CTDP1: variants seen among roughly 807,000 people sequenced by gnomAD.
CTDP1 encodes the protein CTD phosphatase 1.
CTDP1 carries 47 observed loss-of-function variants against 91.8 expected under a neutral mutation model. The ratio of observed to expected loss-of-function variants is 0.51; its 90% CI spans 0.41 to 0.65. The LOEUF (loss-of-function observed/expected upper bound fraction) is 0.65, where lower values mean the gene tolerates loss of function less well. CTDP1 is among the 30% of genes least tolerant of loss of function. The pLI is 0.00. For synonymous variants in CTDP1, 656 were observed against 598.5 expected (o/e 1.10, Z -1.40); for missense variants, 1,272 against 1,373.7 (o/e 0.93, Z 1.17).
chr18:79,735,250 G>A (rs959221686), intron 11 of CTDP1, among the ~76,000 whole-genome samples: 1 of 152,192 alleles, frequency 6.6e-6, no homozygotes, highest in African/African-American at 2.4e-5. Context: ...CGGCGTCGGT[G>A]AGTGCCCCTC....
intron 12 of CTDP1, among the ~76,000 whole-genome samples, chr18:79,752,160 G>A (rs970658499): frequency 2.0e-5 from 3 of 152,258 alleles, no homozygotes; most frequent in Non-Finnish European, 4.4e-5. Context: ...CAGAAACCAG[G>A]TGCACCTGCA....
intron 4 of CTDP1, among the ~76,000 whole-genome samples, chr18:79,704,410 A>G (rs1162910170): frequency 6.6e-6 from 1 of 151,276 alleles, no homozygotes; most frequent in Non-Finnish European, 1.5e-5. Context: ...AGGGGCGTGT[A>G]CACACGCATG....
intron 4 of CTDP1, among the ~76,000 whole-genome samples, chr18:79,704,075 G>A (rs2085913440): frequency 6.6e-6 from 1 of 152,172 alleles, no homozygotes; most frequent in Non-Finnish European, 1.5e-5. Context: ...GCAGGTAGGT[G>A]GTTATCCTAG....
At chr18:79,737,207 C>A (rs369945135) in intron 12 of CTDP1, among the ~76,000 whole-genome samples, 18 of 152,364 alleles carry the variant, frequency 1.2e-4, no homozygotes, top group African/African-American at 4.3e-4. Context: ...TGTGACTGGT[C>A]AGTGTTTTCT....
In CTDP1 at chr18:79,680,170, C is replaced by T. The variant is rs2085329227; in HGVS notation, c.223C>T (p.Arg75Cys). 3.6e-6 allele frequency: 5 copies of T among 1,384,236 alleles called. No homozygotes were observed. Among genetic ancestry groups the T allele is most frequent in the Admixed American group, 3.4e-5 (1 of 29,486 alleles). The allele number at this position is 1,384,236 out of a possible 1,614,324, so 85.7% of individuals were successfully genotyped here. A position where few individuals can be genotyped will look rare whatever the true frequency, so the allele number is the denominator to read the frequency against. ...QSRVASGGCV[R>C]PARPERRLRS... ...CCGTGTAGCCTCCGGGGGCTGCGTG[C>T]GCCCCGCGCGGCCGGAACGCAGGCT... Residue 75 changes from arginine to cysteine, a missense_variant, in exon 1 of 13, where the codon CGC becomes TGC. Physicochemically the swap from Arg to Cys is radical, Grantham distance 180 (BLOSUM62 -3). Transcript: ENST00000613122.
chr18:79,702,527 C>A (rs2122543492), intron 4 of CTDP1, among the ~76,000 whole-genome samples: 2 of 152,220 alleles, frequency 1.3e-5, no homozygotes, highest in Admixed American at 1.3e-4. Flanking sequence ...GCGTGTACCA[C>A]CACACCCAGT....
chr18:79,726,382 T>TG (rs1227652573), intron 10 of CTDP1, among the ~76,000 whole-genome samples: 2 of 152,236 alleles, frequency 1.3e-5, no homozygotes, highest in Non-Finnish European at 2.9e-5. Context: ...CAAGCATACT[T>TG]GCAATTGCCT....
chr18:79,695,971 T>C lies in CTDP1; in HGVS notation c.399-6T>C, dbSNP rs1360548181. 2 of 1,611,656 alleles carry C rather than the reference T, an allele frequency of 1.2e-6. No individual in the cohort carries two copies. Among genetic ancestry groups the C allele is most frequent in the African/African-American group, 2.7e-5 (2 of 74,928 alleles). On this transcript the variant is annotated splice_polypyrimidine_tract_variant and splice_region_variant and intron_variant, in intron 2 of 12. Coordinates refer to ENST00000613122, the MANE Select transcript of CTDP1 (RefSeq NM_004715.5). ...GAAAGCCCTGAACCTGTCCTTGCAC[T>C]TGCAGGTTGCAGAGTAAGAACGGGA...
chr18:79,703,483 C>G (rs1010230965), intron 4 of CTDP1: 5 of 152,196 alleles, frequency 3.3e-5, no homozygotes, highest in African/African-American at 1.2e-4. Flanking sequence ...CTAAATATGA[C>G]TTAGAATACT....
rs747141618 is a variant in CTDP1, at chr18:79,714,665, A to G, written c.1205A>G (p.Asp402Gly). 6.2e-7 allele frequency: 1 copy of G among 1,611,890 alleles called. No homozygotes were observed. Among genetic ancestry groups the G allele is most frequent in the East Asian group, 2.2e-5 (1 of 44,846 alleles). The change falls in exon 8 of 13, where the codon GAC (aspartate) becomes GGC (glycine). Residue 402 changes from aspartate to glycine, a missense_variant. Physicochemically the swap from Asp to Gly is moderately conservative, Grantham distance 94. This residue lies in a region of CTDP1 where 881 missense variants were observed against 911.6 expected (regional missense o/e 0.97). Transcript: ENST00000613122. ...GACTCACCCCGCCCCGGGAAGCCAG[A>G]CGAGAGGGACATCTGGCCCCCTGCC... ...PRDSPRPGKP[D>G]ERDIWPPAQA...
At position 79,679,960 on chromosome 18, in the gene CTDP1, G is replaced by T; in HGVS notation, c.13G>T (p.Ala5Ser). ...CCCTCTGTCCGCGATGGAGGTGCCGGCCGCGGGTCGCGTTCCTGCCGAGGG... is the reference window on the plus strand; with the variant it reads ...CCCTCTGTCCGCGATGGAGGTGCCGTCCGCGGGTCGCGTTCCTGCCGAGGG... MEVP[A>S]AGRVPAEGAP... The change falls in exon 1 of 13, where the codon GCC becomes TCC. Residue 5 changes from alanine (A) to serine (S), a missense_variant. By Grantham distance (99) the Ala-to-Ser change is moderately conservative (BLOSUM62 1). Around this residue, in one of 3 missense-constraint regions of CTDP1, gnomAD observed 214 missense variants for 179.1 expected, o/e 1.19. Transcript: ENST00000613122. The T allele has an allele frequency of 7.2e-7, 1 of 1,381,248 alleles. No homozygotes were observed. Among genetic ancestry groups the T allele is most frequent in the Non-Finnish European group, 9.4e-7 (1 of 1,062,698 alleles). The allele number at this position is 1,381,248 out of a possible 1,614,324, so 85.6% of individuals were successfully genotyped here. A position where few individuals can be genotyped will look rare whatever the true frequency, so the allele number is the denominator to read the frequency against.
At chr18:79,728,801 G>T in intron 10 of CTDP1, 106 bp from the exon 11 acceptor site, 1 of 1,274,390 alleles carries the variant, frequency 7.8e-7, no homozygotes, top group African/African-American at 1.5e-5. Context: ...TCCCTGTTGG[G>T]GTGTGTGAGT....
chr18:79,718,364 T>G (rs1626962), intron 10 of CTDP1, among the ~76,000 whole-genome samples: 115,868 of 152,092 alleles, frequency 0.76, 44,396 homozygotes, highest in Middle Eastern at 0.79. Flanking sequence ...TGAGCCCCCC[T>G]CCCCACTCGC....
chr18:79,718,026 G>A lies in CTDP1; in HGVS notation c.2417+10G>A, dbSNP rs373268903. ...AGCCCTCTTCCTTCAGGTACGTGGCGGCCCAGCCACTGTCCCCAGCTAATG... is the reference window on the plus strand; with the variant it reads ...AGCCCTCTTCCTTCAGGTACGTGGCAGCCCAGCCACTGTCCCCAGCTAATG... On this transcript the variant is annotated intron_variant, in intron 10 of 12. Coordinates refer to ENST00000613122, the MANE Select transcript of CTDP1 (RefSeq NM_004715.5). 43 of 1,612,554 alleles carry A rather than the reference G, an allele frequency of 2.7e-5. No individual in the cohort carries two copies. The highest frequency in any genetic ancestry group is 1.6e-4 in the African/African-American group (12 of 75,046).
intron 1 of CTDP1, among the ~76,000 whole-genome samples, chr18:79,689,194 GT>G (rs2085569878): frequency 6.6e-6 from 1 of 152,142 alleles, no homozygotes; most frequent in Admixed American, 6.5e-5. Context: ...TCATTGCCTG[GT>G]TTAGTAGGAC....
At chr18:79,731,097 A>T (rs1263000229) in intron 11 of CTDP1, among the ~76,000 whole-genome samples, 14 of 152,096 alleles carry the variant, frequency 9.2e-5, no homozygotes, top group Non-Finnish European at 1.9e-4. Context: ...CGGACTAGGT[A>T]CCTGCCCCCG....
chr18:79,697,221 C>T (rs1277535842), intron 3 of CTDP1, among the ~76,000 whole-genome samples: 1 of 152,260 alleles, frequency 6.6e-6, no homozygotes, highest in African/African-American at 2.4e-5. Context: ...GAGGTCCCCC[C>T]TGAGCGGGAC....
intron 12 of CTDP1, among the ~76,000 whole-genome samples, chr18:79,747,665 G>A (rs1568221008): frequency 6.6e-6 from 1 of 152,236 alleles, no homozygotes; most frequent in Non-Finnish European, 1.5e-5. Flanking sequence ...GGTGCACTGG[G>A]GAAATTATCC....
intron 5 of CTDP1, among the ~76,000 whole-genome samples, 192 bp downstream of exon 5, chr18:79,705,109 G>T (rs567567457): frequency 2.6e-5 from 4 of 152,300 alleles, no homozygotes; most frequent in African/African-American, 9.6e-5. Flanking sequence ...GTGGGGCCGC[G>T]GCTGCTCTGG....
Sources: allele counts gnomAD v4.1 joint callset (sites outside exome capture counted in the v4.1 genomes callset), GRCh38; gene constraint gnomAD v4.1.1; regional missense constraint gnomAD v4.1.1; transcripts MANE v1.5; gene names NCBI Gene and HGNC (gene_info 2026-07-23, HGNC 2026-07-21).